The following OR2L5 variants were observed in gnomAD, a reference collection of about 807,000 sequenced individuals.
OR2L5 encodes olfactory receptor 2L5.
For missense variants in OR2L5, 413 were observed against 381.6 expected (o/e 1.08, Z -0.69); for synonymous variants, 169 against 142.0 (o/e 1.19, Z -1.35).
chr1:248,019,918 G>A (rs1467080861), intron 1 of OR2L5, among the ~76,000 whole-genome samples: 1 of 152,046 alleles, frequency 6.6e-6, no homozygotes, highest in African/African-American at 2.4e-5. Context: ...TCCCCAAGTA[G>A]CTGGGACTAC....
chr1:248,014,913 A>G (rs1662154071), intron 1 of OR2L5, among the ~76,000 whole-genome samples: 1 of 152,180 alleles, frequency 6.6e-6, no homozygotes, highest in Non-Finnish European at 1.5e-5. Flanking sequence ...GAACTTACAC[A>G]GTGAAGCAGA....
Position 248,023,072 on chromosome 1 carries a change from T to A in OR2L5, c.*186T>A, listed in dbSNP as rs1662387821. The stretch of plus-strand genomic sequence containing the variant: ...GACATCTATTTTGTTTCTGTTTGTG[T>A]TTCTTTTTATCAAAAGACAGATCAT... On this transcript the variant is annotated 3_prime_UTR_variant, in exon 2 of 2. Coordinates refer to ENST00000355281, the MANE Select transcript of OR2L5 (RefSeq NM_001258284.2). 1 of 538,752 alleles carries A rather than the reference T, an allele frequency of 1.9e-6. No homozygotes were observed. The highest frequency in any genetic ancestry group is 1.9e-5 in the African/African-American group (1 of 52,842). The allele number at this position is 538,752 out of a possible 1,614,324, so 33.4% of individuals were successfully genotyped here.
In OR2L5 at chr1:248,021,966, A is replaced by G. The variant is rs1196079386; in HGVS notation, c.19A>G (p.Thr7Ala). The G allele has an allele frequency of 1.2e-6, 2 of 1,613,144 alleles. No homozygotes were observed. Among genetic ancestry groups the G allele is most frequent in the Non-Finnish European group, 1.7e-6 (2 of 1,179,496 alleles). Reference sequence around the variant, plus strand: ...ATGCCCCATGGAAAATTACAATCAAACGTCAACTGATTTCATCTTATTGGG... The same window carrying G: ...ATGCCCCATGGAAAATTACAATCAAGCGTCAACTGATTTCATCTTATTGGG... Reference protein sequence around the residue: MENYNQTSTDFILLGLF... With the variant: MENYNQASTDFILLGLF... The change falls in exon 2 of 2, where the codon ACG becomes GCG. Residue 7 changes from threonine (T) to alanine (A), a missense_variant. By Grantham distance (58) the Thr-to-Ala change is moderately conservative. Coordinates refer to ENST00000355281, the MANE Select transcript of OR2L5 (RefSeq NM_001258284.2).
rs558143674 is a variant in OR2L5, at chr1:248,024,174, A to G, written c.*1288A>G. 3.8e-4 allele frequency: 58 copies of G among 152,074 alleles called. No homozygotes were observed. Among genetic ancestry groups the G allele is most frequent in the Admixed American group, 1.2e-3 (18 of 15,256 alleles). 9.4% of individuals were successfully genotyped at this position (152,074 alleles called of 1,614,324 possible). A position where few individuals can be genotyped will look rare whatever the true frequency, so the allele number is the denominator to read the frequency against. Reference sequence around the variant, plus strand: ...ACCCGTCATCTAAGTTTTAAGCCCCATATGCTTTAGGTATTTGTCCTAATG... The same window carrying G: ...ACCCGTCATCTAAGTTTTAAGCCCCGTATGCTTTAGGTATTTGTCCTAATG... On this transcript the variant is annotated 3_prime_UTR_variant, in exon 2 of 2. Transcript: ENST00000355281.
At position 248,022,967 on chromosome 1, in the gene OR2L5, A is replaced by G. The variant is rs1572679007; in HGVS notation, c.*81A>G. 1.6e-6 allele frequency: 2 copies of G among 1,234,906 alleles called. No individual in the cohort carries two copies. Among genetic ancestry groups the G allele is most frequent in the South Asian group, 1.6e-5 (1 of 64,270 alleles). 76.5% of individuals were successfully genotyped at this position (1,234,906 alleles called of 1,614,324 possible). A position where few individuals can be genotyped will look rare whatever the true frequency, so the allele number is the denominator to read the frequency against. ...CAGCAGTGAAGAAAAACATTATTAC[A>G]TGCCCAGTATGTCAAACAGAGATTA... On this transcript the variant is annotated 3_prime_UTR_variant, in exon 2 of 2. Coordinates refer to ENST00000355281, the MANE Select transcript of OR2L5 (RefSeq NM_001258284.2).
chr1:248,022,523 G>C lies in OR2L5; in HGVS notation c.576G>C (p.Trp192Cys), dbSNP rs1662366499. 6.2e-7 allele frequency: 1 copy of C among 1,614,044 alleles called. No homozygotes were observed. The highest frequency in any genetic ancestry group is 8.5e-7 in the Non-Finnish European group (1 of 1,179,998). ...TGACATTAGCCTGTACAGACACCTGGGTCTATGAGTACACAGTGTTTTTGA... is the reference window on the plus strand; with the variant it reads ...TGACATTAGCCTGTACAGACACCTGCGTCTATGAGTACACAGTGTTTTTGA... ...AMLTLACTDT[W>C]VYEYTVFLSS... Residue 192 changes from tryptophan (W) to cysteine (C), a missense_variant, in exon 2 of 2, where the codon TGG becomes TGC. By Grantham distance (215) the Trp-to-Cys change is radical (BLOSUM62 -2). Coordinates refer to ENST00000355281, the MANE Select transcript of OR2L5 (RefSeq NM_001258284.2).
intron 1 of OR2L5, among the ~76,000 whole-genome samples, chr1:248,017,839 T>C (rs1363609205): frequency 6.6e-6 from 1 of 152,156 alleles, no homozygotes; most frequent in African/African-American, 2.4e-5. Context: ...TCATACAAAC[T>C]TGCCTTGTAG....
chr1:248,021,909 C>T lies in OR2L5; in HGVS notation c.-21-18C>T. On this transcript the variant is annotated intron_variant, in intron 1 of 1. Transcript: ENST00000355281. ...TGGGGAACTACTGTACTTGACTTAC[C>T]CTTGTGTCTCCCTTCAGGAAGGATC... 6.5e-7 allele frequency: 1 copy of T among 1,531,616 alleles called. No homozygotes were observed. The allele number at this position is 1,531,616 out of a possible 1,614,324, so 94.9% of individuals were successfully genotyped here. A position where few individuals can be genotyped will look rare whatever the true frequency, so the allele number is the denominator to read the frequency against.
intron 1 of OR2L5, among the ~76,000 whole-genome samples, chr1:248,016,966 T>C (rs1039167246): frequency 6.6e-6 from 1 of 152,164 alleles, no homozygotes; most frequent in South Asian, 2.1e-4. Context: ...TCCTGACATA[T>C]TGCAAGTGCC....
chr1:248,019,754 CCTT>C (rs555504564), intron 1 of OR2L5, among the ~76,000 whole-genome samples: 3 of 138,860 alleles, frequency 2.2e-5, no homozygotes, highest in Non-Finnish European at 3.2e-5. Context: ...TTCTCCTTCT[CCTT>C]CTTCTTCTTC....
At position 248,023,595 on chromosome 1, in the gene OR2L5, A is replaced by G. The variant is rs551365129; in HGVS notation, c.*709A>G. On this transcript the variant is annotated 3_prime_UTR_variant, in exon 2 of 2. Coordinates refer to ENST00000355281, the MANE Select transcript of OR2L5 (RefSeq NM_001258284.2). ...CATGCAAGACGTTCTCTTCTGAACA[A>G]TTTTTTTCTACTTACTCTTCAAAAT... 2 of 152,184 alleles carry G rather than the reference A, an allele frequency of 1.3e-5. No homozygotes were observed. The highest frequency in any genetic ancestry group is 4.1e-4 in the South Asian group (2 of 4,826). The allele number at this position is 152,184 out of a possible 1,614,324, so 9.4% of individuals were successfully genotyped here.
intron 1 of OR2L5, among the ~76,000 whole-genome samples, chr1:248,014,379 A>G (rs1296714161): frequency 1.3e-5 from 2 of 152,146 alleles, no homozygotes; most frequent in Non-Finnish European, 2.9e-5. Context: ...AGGAAACCAT[A>G]TGATTAGTAG....
In OR2L5 at chr1:248,018,152, C is replaced by CAA. The variant is rs574012485; in HGVS notation, c.-21-3769_-21-3768dup. 1.5e-3 allele frequency among the ~76,000 whole-genome samples: 207 copies of CAA among 139,908 alleles called. 1 individual carries two copies. The highest frequency in any genetic ancestry group is 5.2e-3 in the East Asian group (26 of 4,956). The allele number at this position is 139,908 out of a possible 152,430, so 91.8% of individuals were successfully genotyped here. On this transcript the variant is annotated intron_variant, in intron 1 of 1. Transcript: ENST00000355281. ...CCTAGGCGACAGAGCGACTCCATCT[C>CAA]AAAAAAATAAAAAAAAAAATTCGTT...
chr1:248,017,315 G>A lies in OR2L5; in HGVS notation c.-22+3577G>A, dbSNP rs140746688. ...TCCTCTTCACATTACTGAAACAGAT[G>A]TATAATGGCTGAGACTGCTTCCTCA... On this transcript the variant is annotated intron_variant, in intron 1 of 1. Coordinates refer to ENST00000355281, the MANE Select transcript of OR2L5 (RefSeq NM_001258284.2). 6.2e-4 allele frequency among the ~76,000 whole-genome samples: 94 copies of A among 152,312 alleles called. No homozygotes were observed. In the East Asian group the frequency reaches 0.015, roughly 24 times the overall value.
rs764092123 is a variant in OR2L5 at position 248,022,142 on chromosome 1, CT to C, written c.196del (p.Ser66ProfsTer5). ...TPMYFLLSQL[S>X]LIDLNYISTI... ...CCATGTATTTCCTGCTTAGTCAGCT[CT>C]CCCTCATTGACCTAAATTACATCTC... is the stretch of plus-strand genomic sequence containing the variant. On this transcript the variant is annotated frameshift_variant, in exon 2 of 2. Coordinates refer to ENST00000355281, the MANE Select transcript of OR2L5 (RefSeq NM_001258284.2). LOFTEE classifies it low-confidence loss of function (END_TRUNC). The C allele has an allele frequency of 1.9e-6, 3 of 1,614,000 alleles. No homozygotes were observed. The highest frequency in any genetic ancestry group is 2.5e-6 in the Non-Finnish European group (3 of 1,179,874).
rs145435079 is a variant in OR2L5, at chr1:248,017,512, T to A, written c.-22+3774T>A. 7.2e-5 allele frequency among the ~76,000 whole-genome samples: 11 copies of A among 152,370 alleles called. No homozygotes were observed. The East Asian group carries it at 1.9e-3, about 27-fold the overall frequency. On this transcript the variant is annotated intron_variant, in intron 1 of 1. Transcript: ENST00000355281. ...AAGTCATGTTAACAAGAGCAAGGTC[T>A]GGTAGAAAGAGACTTTTTCTTCCAA...
intron 1 of OR2L5, among the ~76,000 whole-genome samples, chr1:248,021,515 G>T (rs899281524): frequency 6.6e-6 from 1 of 152,114 alleles, no homozygotes; most frequent in Admixed American, 6.6e-5. Context: ...TTATCAGTTG[G>T]ATTTCAGTCA....
At chr1:248,017,251 G>A (rs1389827975) in intron 1 of OR2L5, among the ~76,000 whole-genome samples, 1 of 152,152 alleles carries the variant, frequency 6.6e-6, no homozygotes, top group Non-Finnish European at 1.5e-5. Context: ...AGGGGCACAA[G>A]TAACCTGTTT....
At chr1:248,014,392 A>T (rs1349478107) in intron 1 of OR2L5, among the ~76,000 whole-genome samples, 1 of 152,152 alleles carries the variant, frequency 6.6e-6, no homozygotes, top group Non-Finnish European at 1.5e-5. Context: ...ATTAGTAGCT[A>T]TGCTATGGGT....
Sources: allele counts gnomAD v4.1 joint callset (sites outside exome capture counted in the v4.1 genomes callset), GRCh38; gene constraint gnomAD v4.1.1; transcripts MANE v1.5; gene names NCBI Gene and HGNC (gene_info 2026-07-23, HGNC 2026-07-21).